CCSER1: variants seen among roughly 807,000 people sequenced by gnomAD.
CCSER1 encodes coiled-coil serine rich protein 1.
A neutral mutation model predicts 82.0 loss-of-function variants in CCSER1; 41 were observed. The observed-to-expected ratio is 0.50, with a 90% confidence interval of 0.39 to 0.65. The LOEUF is 0.65. Among genes scored for constraint, CCSER1 ranks in the 30% least tolerant of loss-of-function variants. CCSER1 has a pLI of 0.00. For synonymous variants in CCSER1, 414 were observed against 383.9 expected (o/e 1.08, Z -0.92); for missense variants, 1,119 against 1,064.2 (o/e 1.05, Z -0.72).
chr4:91,166,551 T>G (rs1365824210), intron 10 of CCSER1, among the ~76,000 whole-genome samples: 1 of 152,228 alleles, frequency 6.6e-6, no homozygotes, highest in Non-Finnish European at 1.5e-5. Flanking sequence ...AAGATGAGGC[T>G]TATAAAACAA....
chr4:90,163,945 A>G (rs1301872664), intron 1 of CCSER1, among the ~76,000 whole-genome samples: 2 of 152,152 alleles, frequency 1.3e-5, no homozygotes, highest in Admixed American at 6.6e-5. Flanking sequence ...TAAATTTTCT[A>G]GCCATTTCTG....
intron 10 of CCSER1, among the ~76,000 whole-genome samples, chr4:91,485,537 T>C (rs2110057229): frequency 6.6e-6 from 1 of 152,292 alleles, no homozygotes; most frequent in Admixed American, 6.5e-5. Context: ...AATACTCTCC[T>C]GCCTTTTATC....
chr4:91,539,191 G>A (rs1516698), intron 10 of CCSER1, among the ~76,000 whole-genome samples: 81,783 of 151,694 alleles, frequency 0.54, 22,243 homozygotes, highest in East Asian at 0.61. Flanking sequence ...ATGAATAATC[G>A]AGTCCATGTG....
intron 9 of CCSER1, among the ~76,000 whole-genome samples, chr4:90,945,821 A>T (rs1382980010): frequency 1.3e-5 from 2 of 152,202 alleles, no homozygotes; most frequent in Non-Finnish European, 2.9e-5. Context: ...ATAATGGCTA[A>T]CATTTTTTTT....
intron 1 of CCSER1, among the ~76,000 whole-genome samples, chr4:90,261,604 C>T (rs940627560): frequency 5.3e-5 from 8 of 152,112 alleles, no homozygotes; most frequent in African/African-American, 1.9e-4. Context: ...CAATGAATTT[C>T]CCAGGAGTTC....
chr4:91,331,078 T>G (rs139015372), intron 10 of CCSER1, among the ~76,000 whole-genome samples: 2 of 151,984 alleles, frequency 1.3e-5, no homozygotes, highest in East Asian at 1.9e-4. Context: ...CCACTGGGGG[T>G]CTTGAAATGT....
At chr4:90,385,827 A>C (rs1160412873) in intron 3 of CCSER1, among the ~76,000 whole-genome samples, 1 of 151,754 alleles carries the variant, frequency 6.6e-6, no homozygotes, top group Non-Finnish European at 1.5e-5. Flanking sequence ...CCCACTTTTT[A>C]ATTGATTTTT....
At chr4:90,876,708 G>T (rs1233301698) in intron 8 of CCSER1, among the ~76,000 whole-genome samples, 1 of 152,034 alleles carries the variant, frequency 6.6e-6, no homozygotes, top group Non-Finnish European at 1.5e-5. Flanking sequence ...ACACACTCTA[G>T]CCATTGCCTG....
chr4:91,134,060 C>T (rs62312252), intron 10 of CCSER1, among the ~76,000 whole-genome samples: 2,953 of 152,276 alleles, frequency 0.019, 53 homozygotes, highest in Non-Finnish European at 0.031. Flanking sequence ...GATCGTGCCA[C>T]TGCACTCCAG....
chr4:90,463,926 G>T (rs999617523), intron 4 of CCSER1, among the ~76,000 whole-genome samples: 1 of 151,676 alleles, frequency 6.6e-6, no homozygotes, highest in Non-Finnish European at 1.5e-5. Flanking sequence ...CTTTAACAAT[G>T]ATTTTATAAA....
intron 5 of CCSER1, among the ~76,000 whole-genome samples, chr4:90,627,762 C>T (rs6850608): frequency 0.3 from 45,938 of 151,774 alleles, 7,284 homozygotes; most frequent in African/African-American, 0.38. Context: ...AGGCGGATCA[C>T]GAGGTCAGGA....
chr4:90,269,769 C>A (rs1296955526), intron 1 of CCSER1, among the ~76,000 whole-genome samples: 1 of 151,100 alleles, frequency 6.6e-6, no homozygotes, highest in Non-Finnish European at 1.5e-5. Flanking sequence ...AAAAAAAAAC[C>A]TGACAAACCT....
intron 5 of CCSER1, among the ~76,000 whole-genome samples, chr4:90,588,583 C>G (rs56191421): frequency 6.6e-6 from 1 of 152,086 alleles, no homozygotes; most frequent in Non-Finnish European, 1.5e-5. Context: ...AAGCCCCTCA[C>G]CTTCCTTCTG....
At chr4:90,762,935 A>G (rs144156192) in intron 7 of CCSER1, among the ~76,000 whole-genome samples, 19 of 152,206 alleles carry the variant, frequency 1.2e-4, no homozygotes, top group Non-Finnish European at 8.8e-5. Context: ...GAGGCAGCAG[A>G]AGAGGAGACA....
chr4:90,308,995 G>C lies in CCSER1; in HGVS notation c.711G>C (p.Arg237=). ...SPSCSVDVTE[R]AGSSLQSPLL... is the part of the protein sequence containing the mutation. ...CCTGTTCTGTGGATGTAACAGAACGGGCAGGAAGCTCTTTACAATCTCCTT... is the reference window on the plus strand; with the variant it reads ...CCTGTTCTGTGGATGTAACAGAACGCGCAGGAAGCTCTTTACAATCTCCTT... Residue 237 remains arginine, a synonymous_variant, in exon 2 of 11, where the codon CGG becomes CGC. Transcript: ENST00000509176. The C allele has an allele frequency of 1.2e-5, 20 of 1,613,746 alleles. No individual in the cohort carries two copies. Among genetic ancestry groups the C allele is most frequent in the Non-Finnish European group, 1.7e-5 (20 of 1,179,844 alleles).
chr4:90,159,795 T>C (rs1430975272), intron 1 of CCSER1, among the ~76,000 whole-genome samples: 1 of 152,226 alleles, frequency 6.6e-6, no homozygotes, highest in Non-Finnish European at 1.5e-5. Context: ...GACATACAGA[T>C]TGACATATTT....
At chr4:90,398,437 T>C (rs1752350985) in intron 3 of CCSER1, among the ~76,000 whole-genome samples, 1 of 152,228 alleles carries the variant, frequency 6.6e-6, no homozygotes, top group South Asian at 2.1e-4. Flanking sequence ...GTATTTTGAC[T>C]AATATATTAT....
chr4:91,382,478 G>T (rs11938470), intron 10 of CCSER1, among the ~76,000 whole-genome samples: 19,435 of 152,252 alleles, frequency 0.13, 1,407 homozygotes, highest in Middle Eastern at 0.19. Flanking sequence ...CAATGAGTGA[G>T]GCTCCATGGT....
intron 3 of CCSER1, among the ~76,000 whole-genome samples, chr4:90,317,514 C>T (rs1031897640): frequency 4.6e-5 from 7 of 152,106 alleles, no homozygotes; most frequent in Admixed American, 2.0e-4. Context: ...CCCAGCTACT[C>T]GGAAGGCTGA....
Sources: allele counts gnomAD v4.1 joint callset (sites outside exome capture counted in the v4.1 genomes callset), GRCh38; gene constraint gnomAD v4.1.1; transcripts MANE v1.5; gene names NCBI Gene and HGNC (gene_info 2026-07-23, HGNC 2026-07-21).